The following ESR1 variants were observed in gnomAD, a reference collection of about 807,000 sequenced individuals.
The protein encoded by ESR1 is estrogen receptor.
ESR1 carries 12 observed loss-of-function variants against 52.7 expected under a neutral mutation model. The observed-to-expected ratio is 0.23, with a 90% CI of 0.15 to 0.37. ESR1 has a LOEUF of 0.37. Ranked by LOEUF, ESR1 falls within the 10% of genes least tolerant of loss-of-function variation. The pLI is 1.00. For synonymous variants in ESR1, 305 were observed against 316.8 expected (o/e 0.96, Z 0.39); for missense variants, 584 against 779.7 (o/e 0.75, Z 2.99).
chr6:151,848,793 T>C (rs1430824040), intron 2 of ESR1, among the ~76,000 whole-genome samples: 2 of 152,180 alleles, frequency 1.3e-5, no homozygotes, highest in Non-Finnish European at 2.9e-5. Context: ...ATTTTAGATA[T>C]ATTAATCAGG....
intron 4 of ESR1, among the ~76,000 whole-genome samples, chr6:151,994,482 TA>T (rs1408140876): frequency 3.9e-5 from 6 of 152,184 alleles, no homozygotes; most frequent in African/African-American, 1.4e-4. Context: ...ATATACTCAT[TA>T]AAAACTTGCT....
intron 5 of ESR1, among the ~76,000 whole-genome samples, chr6:152,035,111 A>G (rs940507878): frequency 1.5e-4 from 23 of 152,260 alleles, no homozygotes; most frequent in African/African-American, 4.8e-4. Context: ...TTTTTAAACC[A>G]TGAACAATTT....
At chr6:151,933,554 C>T (rs1365821688) in intron 3 of ESR1, among the ~76,000 whole-genome samples, 2 of 151,554 alleles carry the variant, frequency 1.3e-5, no homozygotes, top group East Asian at 3.9e-4. Context: ...GGAATGCTTC[C>T]AGTTTTTGCC....
chr6:151,835,003 A>C (rs1186691295), intron 1 of ESR1, among the ~76,000 whole-genome samples: 1 of 152,098 alleles, frequency 6.6e-6, no homozygotes, highest in African/African-American at 2.4e-5. Flanking sequence ...GATCTCTACT[A>C]TAATAGGGAG....
chr6:152,086,449 A>G (rs1314469921), intron 6 of ESR1, among the ~76,000 whole-genome samples: 1 of 149,200 alleles, frequency 6.7e-6, no homozygotes, highest in African/African-American at 2.4e-5. Context: ...TTAAATAAAT[A>G]TAATATTTCT....
At chr6:152,124,801 A>T (rs1244201042) in intron 6 of ESR1, among the ~76,000 whole-genome samples, 3 of 152,246 alleles carry the variant, frequency 2.0e-5, no homozygotes, top group Admixed American at 6.5e-5. Context: ...ACCTGAGCAT[A>T]AAATATTCAT....
chr6:152,089,602 G>A (rs761101807), intron 6 of ESR1, among the ~76,000 whole-genome samples: 6 of 151,960 alleles, frequency 3.9e-5, no homozygotes, highest in South Asian at 2.1e-4. Flanking sequence ...TTTTTGAGAC[G>A]GAGTCTCACT....
chr6:151,729,999 G>T (rs540295654), intron 2 of ESR1, among the ~76,000 whole-genome samples: 84 of 152,296 alleles, frequency 5.5e-4, no homozygotes, highest in African/African-American at 2.0e-3. Flanking sequence ...GTCTTGGTCT[G>T]CCTCCATTCT....
At chr6:151,696,620 G>C (rs139977010) in intron 1 of ESR1, among the ~76,000 whole-genome samples, 1 of 152,270 alleles carries the variant, frequency 6.6e-6, no homozygotes, top group Non-Finnish European at 1.5e-5. Context: ...ATTGTAGAGT[G>C]AGATTGAGCC....
chr6:152,055,966 G>A (rs1884151), intron 5 of ESR1, among the ~76,000 whole-genome samples: 32,486 of 152,092 alleles, frequency 0.21, 4,926 homozygotes, highest in African/African-American at 0.42. Context: ...CTTACAGTAC[G>A]TTGTGATGTT....
intron 2 of ESR1, among the ~76,000 whole-genome samples, chr6:151,754,291 T>C (rs2982568): frequency 1 from 151,784 of 151,842 alleles, 75,863 homozygotes; most frequent in Middle Eastern, 1. Context: ...ATAAGTTTGT[T>C]GCTGGAGAGA....
chr6:151,889,528 GTTTA>G (rs1428038320), intron 3 of ESR1, among the ~76,000 whole-genome samples: 1 of 152,004 alleles, frequency 6.6e-6, no homozygotes. Context: ...TTCTGATTCA[GTTTA>G]TTTGTGTCTT....
At chr6:151,743,638 T>G (rs1159461761) in intron 2 of ESR1, among the ~76,000 whole-genome samples, 4 of 152,174 alleles carry the variant, frequency 2.6e-5, no homozygotes, top group Non-Finnish European at 5.9e-5. Flanking sequence ...CAGTAACAGT[T>G]TACCTTATCT....
At chr6:151,918,400 T>C (rs1279751758) in intron 3 of ESR1, among the ~76,000 whole-genome samples, 1 of 152,236 alleles carries the variant, frequency 6.6e-6, no homozygotes, top group East Asian at 1.9e-4. Flanking sequence ...GGAGAAATCA[T>C]TGCTCATCTG....
chr6:151,915,305 C>T (rs1292079492), intron 3 of ESR1, among the ~76,000 whole-genome samples: 1 of 152,118 alleles, frequency 6.6e-6, no homozygotes, highest in Non-Finnish European at 1.5e-5. Context: ...TGGAATTCTG[C>T]TTATTAATTT....
At chr6:151,687,710 T>A (rs568683336), upstream of ESR1, among the ~76,000 whole-genome samples, 1 of 152,216 alleles carries the variant, frequency 6.6e-6, no homozygotes, top group Admixed American at 6.5e-5. Context: ...AATGGGAGAA[T>A]GTATCACAAA....
rs144905830 is a variant in ESR1, at chr6:151,958,996, G to T, written c.1096+14488G>T. Among the ~76,000 whole-genome samples, 4 of 152,180 alleles carry T rather than the reference G, an allele frequency of 2.6e-5. No individual in the cohort carries two copies. In the South Asian group the frequency reaches 8.3e-4, roughly 32 times the overall value. On this transcript the variant is annotated intron_variant, in intron 4 of 7. Coordinates refer to ENST00000206249, the MANE Select transcript of ESR1 (RefSeq NM_000125.4). ...TCCGTGTGTGTGTGTGTGTGTGTGC[G>T]TGTGTGTGTTTACGGAGAGGAGTTC...
Position 151,769,416 on chromosome 6 carries a change from G to A in ESR1, c.-70-38427G>A, listed in dbSNP as rs185163186. Among the ~76,000 whole-genome samples, 215 of 152,170 alleles carry A rather than the reference G, an allele frequency of 1.4e-3. 2 individuals carry two copies. The highest frequency in any genetic ancestry group is 3.7e-3 in the East Asian group (19 of 5,174). On this transcript the variant is annotated intron_variant, in intron 2 of 2. Transcript: ENST00000404742. ...TCTAATTCTCAATAGCCCTGATCTC[G>A]ACTCTGACCACATGCGCGCACACCC...
intron 4 of ESR1, among the ~76,000 whole-genome samples, chr6:151,990,558 C>G (rs1393904632): frequency 6.6e-6 from 1 of 151,514 alleles, no homozygotes; most frequent in East Asian, 1.9e-4. Flanking sequence ...TGACCTGGAC[C>G]TGGAACATCT....
Sources: gnomAD v4.1 joint callset for allele counts (sites outside exome capture counted in the v4.1 genomes callset) on GRCh38, gnomAD v4.1.1 for gene constraint, MANE v1.5 for transcripts, NCBI Gene and HGNC (gene_info 2026-07-23, HGNC 2026-07-21) for gene names.